The following TSGA10 variants were observed in gnomAD, a reference collection of about 807,000 sequenced individuals.
TSGA10 encodes testis specific 10.
Under a neutral mutation model 96.6 loss-of-function variants are expected in TSGA10, and 43 were observed. That is an observed-to-expected ratio of 0.44 (90% confidence interval 0.35 to 0.57). The LOEUF (loss-of-function observed/expected upper bound fraction) is 0.57. Among genes scored for constraint, TSGA10 ranks in the 20% least tolerant of loss-of-function variants. The pLI is 0.01. For missense variants in TSGA10, 703 were observed against 834.4 expected, an observed-to-expected ratio of 0.84 and a Z score of 1.94; for synonymous variants, 229 against 269.9, an observed-to-expected ratio of 0.85 and a Z score of 1.48.
chr2:99,109,494 C>A lies in TSGA10; in HGVS notation c.-55G>T. 1.3e-6 allele frequency: 2 copies of A among 1,598,566 alleles called. No homozygotes were observed. The highest frequency in any genetic ancestry group is 2.2e-5 in the East Asian group (1 of 44,652). On this transcript the variant is annotated 5_prime_UTR_variant, in exon 6 of 21. Coordinates refer to ENST00000393483, the MANE Select transcript of TSGA10 (RefSeq NM_025244.4). ...AGTGATCTTTGTCTGCTTCCAAAGTCTTGACAAAGGAATCAAGTCTAGAAG... is the reference window on the plus strand; with the variant it reads ...AGTGATCTTTGTCTGCTTCCAAAGTATTGACAAAGGAATCAAGTCTAGAAG...
intron 4 of TSGA10, among the ~76,000 whole-genome samples, chr2:99,115,744 G>A (rs543347266): frequency 7.8e-4 from 119 of 152,168 alleles, no homozygotes; most frequent in African/African-American, 2.8e-3. Flanking sequence ...GATGGGTGTG[G>A]TCGTGGGTGC....
rs761323414 is a variant in TSGA10, at chr2:99,035,341, T to C, written c.1503A>G (p.Lys501=). Residue 501 remains lysine, a synonymous_variant, in exon 17 of 21, where the codon AAA becomes AAG. Coordinates refer to ENST00000393483, the MANE Select transcript of TSGA10 (RefSeq NM_025244.4). The part of the protein sequence containing the change: ...EEELQKVQFE[K]VSALADLSST... Reference sequence around the variant, plus strand: ...AAGACAAATCTGCAAGAGCGGACACTTTTTCAAACTGAACCTTCTGAAGCT... The same window carrying C: ...AAGACAAATCTGCAAGAGCGGACACCTTTTCAAACTGAACCTTCTGAAGCT... 2.5e-6 allele frequency: 4 copies of C among 1,613,366 alleles called. No homozygotes were observed. The East Asian group carries it at 6.7e-5, about 27-fold the overall frequency.
At chr2:99,110,336 A>G (rs59506582) in intron 5 of TSGA10, among the ~76,000 whole-genome samples, 9,099 of 152,264 alleles carry the variant, frequency 0.06, 530 homozygotes, top group East Asian at 0.21. Context: ...CTTTGACAAC[A>G]TTTATTTAAC....
At chr2:99,071,675 T>C (rs776605222) in intron 14 of TSGA10, 31 bp downstream of exon 14, 2 of 1,583,160 alleles carry the variant, frequency 1.3e-6, no homozygotes, top group Admixed American at 1.8e-5. Context: ...TTTTTTTTTC[T>C]TGGAGAAAAT....
At chr2:99,033,454 T>C (rs539507348) in intron 17 of TSGA10, among the ~76,000 whole-genome samples, 49 of 152,354 alleles carry the variant, frequency 3.2e-4, no homozygotes, top group African/African-American at 1.2e-3. Context: ...TGACAGAGAA[T>C]GGGTCTCAAA....
chr2:99,005,425 A>G (rs1428955654), intron 20 of TSGA10, among the ~76,000 whole-genome samples: 1 of 152,236 alleles, frequency 6.6e-6, no homozygotes, highest in East Asian at 1.9e-4. Context: ...CCTTAAGCTG[A>G]TAGGCAACTT....
chr2:99,015,683 TA>T (rs1355395214), intron 20 of TSGA10, among the ~76,000 whole-genome samples: 1 of 152,022 alleles, frequency 6.6e-6, no homozygotes, highest in Non-Finnish European at 1.5e-5. Flanking sequence ...AAAGGGCACC[TA>T]AATCAGTAGA....
chr2:99,042,053 T>C (rs1362603896), intron 16 of TSGA10, among the ~76,000 whole-genome samples: 1 of 151,490 alleles, frequency 6.6e-6, no homozygotes, highest in African/African-American at 2.4e-5. Flanking sequence ...TTTTTTTTTT[T>C]TTTTTTTGAG....
chr2:99,045,547 AC>A (rs1334008038), intron 16 of TSGA10, among the ~76,000 whole-genome samples: 1 of 152,220 alleles, frequency 6.6e-6, no homozygotes, highest in East Asian at 1.9e-4. Flanking sequence ...AGATTTTGTC[AC>A]CACCAGGCCT....
chr2:99,147,856 CCTAA>C lies in TSGA10; in HGVS notation c.-621+6833_-621+6836del, dbSNP rs538713614. On this transcript the variant is annotated intron_variant, in intron 1 of 20. Transcript: ENST00000393483. ...CAAGTTGCAGATACAATTCTTCACCCCTAACTATTTCAGTATGTATTTCCTAAGA... is the reference window on the plus strand; with the variant it reads ...CAAGTTGCAGATACAATTCTTCACCCCTATTTCAGTATGTATTTCCTAAGA... Among the ~76,000 whole-genome samples, 6 of 152,248 alleles carry C rather than the reference CCTAA, an allele frequency of 3.9e-5. No individual in the cohort carries two copies. In the South Asian group the frequency reaches 1.2e-3, roughly 32 times the overall value.
At chr2:99,146,649 G>A (rs559758624) in intron 1 of TSGA10, among the ~76,000 whole-genome samples, 1 of 151,990 alleles carries the variant, frequency 6.6e-6, no homozygotes, top group Admixed American at 6.5e-5. Flanking sequence ...TTCTTTTTGA[G>A]ACGGAGTCTT....
At chr2:99,102,222 G>A in intron 10 of TSGA10, 1 of 1,610,082 alleles carries the variant, frequency 6.2e-7, no homozygotes, top group African/African-American at 1.3e-5. Flanking sequence ...GAACTTCAGT[G>A]AAGTATTCCA....
chr2:99,106,643 C>T lies in TSGA10; in HGVS notation c.211-946G>A, dbSNP rs186589388. Among the ~76,000 whole-genome samples, 44 of 151,294 alleles carry T rather than the reference C, an allele frequency of 2.9e-4. 2 individuals carry two copies. In the East Asian group the frequency reaches 8.1e-3, roughly 28 times the overall value. On this transcript the variant is annotated intron_variant, in intron 7 of 20. Coordinates refer to ENST00000393483, the MANE Select transcript of TSGA10 (RefSeq NM_025244.4). ...CCAGAACAACCTGGCTCCCACCCTC[C>T]CACCTTCTGTGGAATTTCAACTAAA...
At chr2:99,055,797 G>A (rs1184391282) in intron 16 of TSGA10, among the ~76,000 whole-genome samples, 4 of 147,726 alleles carry the variant, frequency 2.7e-5, no homozygotes, top group Non-Finnish European at 1.5e-5. Context: ...AGGCTGCAGT[G>A]AGCCGTGATT....
chr2:99,051,282 AC>A (rs1302353999), intron 16 of TSGA10, among the ~76,000 whole-genome samples: 1 of 152,168 alleles, frequency 6.6e-6, no homozygotes, highest in African/African-American at 2.4e-5. Flanking sequence ...ATAGAATGAA[AC>A]TAAAAAGATA....
At chr2:99,045,421 C>T (rs184510457) in intron 16 of TSGA10, among the ~76,000 whole-genome samples, 52 of 152,246 alleles carry the variant, frequency 3.4e-4, no homozygotes, top group African/African-American at 1.2e-3. Context: ...GACAGCAGGG[C>T]CAATATTCAA....
chr2:99,074,692 GGCTTAT>G (rs1230510903), intron 12 of TSGA10, among the ~76,000 whole-genome samples: 2 of 152,182 alleles, frequency 1.3e-5, no homozygotes, highest in Non-Finnish European at 2.9e-5. Context: ...CGAATGCGGT[GGCTTAT>G]GCCTGTAATC....
chr2:99,049,731 TAAAAAAAAGAAA>T (rs1009676260), intron 16 of TSGA10, among the ~76,000 whole-genome samples: 8 of 119,946 alleles, frequency 6.7e-5, no homozygotes, highest in South Asian at 2.5e-4. Context: ...AAGTATAATT[TAAAAAAAAGAAA>T]AAAAAAAAGA....
chr2:99,082,339 T>C (rs954317282), intron 10 of TSGA10, among the ~76,000 whole-genome samples: 13 of 152,354 alleles, frequency 8.5e-5, no homozygotes, highest in Admixed American at 7.8e-4. Context: ...GATTCTTGCA[T>C]GTTTTTACTT....
Sources: gnomAD v4.1 joint callset for allele counts (sites outside exome capture counted in the v4.1 genomes callset) on GRCh38, gnomAD v4.1.1 for gene constraint, MANE v1.5 for transcripts, NCBI Gene and HGNC (gene_info 2026-07-23, HGNC 2026-07-21) for gene names.